SYNE1: variants seen among roughly 807,000 people sequenced by gnomAD.
SYNE1 encodes spectrin repeat containing nuclear envelope protein 1, also known as nesprin-1.
SYNE1 carries 616 observed loss-of-function variants against 1,111.0 expected under a neutral mutation model. The ratio of observed to expected loss-of-function variants is 0.55; its 90% CI spans 0.52 to 0.59. The LOEUF is 0.59. Among genes scored for constraint, SYNE1 ranks in the 20% least tolerant of loss-of-function variants. The pLI is 0.00. For missense variants in SYNE1, 10,006 were observed against 10,417.0 expected (o/e 0.96, Z 1.72); for synonymous variants, 3,855 against 3,825.8 (o/e 1.01, Z -0.28).
chr6:152,312,335 G>A (rs1364936632), intron 87 of SYNE1, among the ~76,000 whole-genome samples: 3 of 149,666 alleles, frequency 2.0e-5, no homozygotes, highest in South Asian at 2.1e-4. Flanking sequence ...TCAGCTTCCC[G>A]AGTAGCTGGG....
At position 152,244,461 on chromosome 6, in the gene SYNE1, A is replaced by T. The variant is rs187065521; in HGVS notation, c.19692+76T>A. 3.1e-6 allele frequency: 5 copies of T among 1,610,096 alleles called. No individual in the cohort carries two copies. The Admixed American group carries it at 8.3e-5, about 27-fold the overall frequency. On this transcript the variant is annotated intron_variant, in intron 106 of 145. Coordinates refer to ENST00000367255, the MANE Select transcript of SYNE1 (RefSeq NM_182961.4). ...CGTGAATTTTATAAAGAAAGCCAAGAAAAATAAAGTGATTTTTTCTAGACT... is the reference window on the plus strand; with the variant it reads ...CGTGAATTTTATAAAGAAAGCCAAGTAAAATAAAGTGATTTTTTCTAGACT...
At chr6:152,470,158 G>A (rs1014848016) in intron 16 of SYNE1, among the ~76,000 whole-genome samples, 4 of 152,144 alleles carry the variant, frequency 2.6e-5, no homozygotes, top group African/African-American at 9.7e-5. Context: ...TGATGAAGTA[G>A]GCAGGGAGTA....
chr6:152,236,229 T>C lies in SYNE1; in HGVS notation c.20274A>G (p.Ile6758Met). ...TTTCTAGATCTGAGCAGCTGATGGA[T>C]ATCAGAAGTCGTTTCCCATCATCTA... The part of the protein sequence containing the change: ...QVLDDGKRLL[I>M]SISCSDLESQ... Residue 6758 changes from isoleucine (I) to methionine (M), a missense_variant, in exon 110 of 146, where the codon ATA becomes ATG. This residue lies in a region of SYNE1 where 2,182 missense variants were observed against 2,287.8 expected (regional missense o/e 0.95). Coordinates refer to ENST00000367255, the MANE Select transcript of SYNE1 (RefSeq NM_182961.4). 1 of 1,614,166 alleles carries C rather than the reference T, an allele frequency of 6.2e-7. No individual in the cohort carries two copies. Among genetic ancestry groups the C allele is most frequent in the Non-Finnish European group, 8.5e-7 (1 of 1,180,004 alleles).
chr6:152,526,190 A>C lies in SYNE1; in HGVS notation c.130-15T>G. 6.2e-7 allele frequency: 1 copy of C among 1,611,062 alleles called. No homozygotes were observed. Among genetic ancestry groups the C allele is most frequent in the African/African-American group, 1.3e-5 (1 of 75,000 alleles). ...GGAGGTTTCCGCTGTAAAAGCAAAG[A>C]GGAATAAGTGCAGAAAATATCTCTT... is the stretch of plus-strand genomic sequence containing the variant. On this transcript the variant is annotated splice_polypyrimidine_tract_variant and intron_variant, in intron 4 of 145. Coordinates refer to ENST00000367255, the MANE Select transcript of SYNE1 (RefSeq NM_182961.4).
In SYNE1 at chr6:152,148,434, C is replaced by G; in HGVS notation, c.24643-56G>C. 1 of 1,529,544 alleles carries G rather than the reference C, an allele frequency of 6.5e-7. No individual in the cohort carries two copies. The highest frequency in any genetic ancestry group is 8.9e-7 in the Non-Finnish European group (1 of 1,117,848). The allele number at this position is 1,529,544 out of a possible 1,614,324, so 94.7% of individuals were successfully genotyped here. A position where few individuals can be genotyped will look rare whatever the true frequency, so the allele number is the denominator to read the frequency against. On this transcript the variant is annotated intron_variant, in intron 136 of 145. Coordinates refer to ENST00000367255, the MANE Select transcript of SYNE1 (RefSeq NM_182961.4). The surrounding 1 kb of genome is among the most constrained non-coding windows in gnomAD (Gnocchi z 4.1). The stretch of plus-strand genomic sequence containing the variant: ...TGTAGTGGTCAGACTAGCTTCTTAT[C>G]TGGGCCACCTGCCTACCATGTGGGG...
chr6:152,531,569 A>G (rs1369994418), intron 4 of SYNE1, among the ~76,000 whole-genome samples: 3 of 152,168 alleles, frequency 2.0e-5, no homozygotes, highest in Admixed American at 6.5e-5. Flanking sequence ...AGTGTTAAAT[A>G]TTTCCACATT....
rs1264177335 is a variant in SYNE1, at chr6:152,413,432, T to G, written c.6150A>C (p.Val2050=). Residue 2050 remains valine, a synonymous_variant, in exon 42 of 146, where the codon GTA becomes GTC. Coordinates refer to ENST00000367255, the MANE Select transcript of SYNE1 (RefSeq NM_182961.4). ...CCCTGTCAACTTCAGGTGCAAAAGC[T>G]ACATCTTTCTGGGCAATTTGCTTGG... ...DKAKQIAQKD[V]AFAPEVDREI... is the part of the protein sequence containing the mutation. 1.2e-6 allele frequency: 2 copies of G among 1,614,060 alleles called. No individual in the cohort carries two copies. The highest frequency in any genetic ancestry group is 3.3e-5 in the Admixed American group (2 of 60,002).
At chr6:152,187,916 G>A (rs1437092402) in intron 128 of SYNE1, among the ~76,000 whole-genome samples, 1 of 152,022 alleles carries the variant, frequency 6.6e-6, no homozygotes, top group African/African-American at 2.4e-5. Context: ...AGTAGAGACA[G>A]GGTTTCACCA....
Position 152,325,921 on chromosome 6 carries a change from G to A in SYNE1, c.15438+37C>T, listed in dbSNP as rs766099239. On this transcript the variant is annotated intron_variant, in intron 80 of 145. Coordinates refer to ENST00000367255, the MANE Select transcript of SYNE1 (RefSeq NM_182961.4). The stretch of plus-strand genomic sequence containing the variant: ...GTTGCAAAGACTCATTATAATTATA[G>A]AAAAAGGATTTTTTTTAAATGGCCC... 6 of 1,612,960 alleles carry A rather than the reference G, an allele frequency of 3.7e-6. No individual in the cohort carries two copies. In the South Asian group the frequency reaches 6.6e-5, roughly 18 times the overall value.
intron 91 of SYNE1, among the ~76,000 whole-genome samples, chr6:152,306,487 AAAATAAATAAATAAAT>A (rs56931883): frequency 0.028 from 4,060 of 142,540 alleles, 100 homozygotes; most frequent in African/African-American, 0.062. Context: ...CTCCATCTAA[AAAATAAATAAATAAAT>A]AAATAAATAA....
intron 11 of SYNE1, among the ~76,000 whole-genome samples, chr6:152,493,603 C>T (rs2098983520): frequency 6.6e-6 from 1 of 152,090 alleles, no homozygotes; most frequent in Non-Finnish European, 1.5e-5. Flanking sequence ...TACAGATCTT[C>T]CCAACAGGAC....
At chr6:152,335,487 AAT>A (rs2096364818) in intron 76 of SYNE1, 1 of 152,142 alleles carries the variant, frequency 6.6e-6, no homozygotes, top group Admixed American at 6.5e-5. Context: ...ATGGTTCACA[AAT>A]TTTTTTAAAA....
intron 3 of SYNE1, among the ~76,000 whole-genome samples, chr6:152,600,915 C>T (rs917566946): frequency 2.6e-5 from 4 of 152,174 alleles, no homozygotes; most frequent in Non-Finnish European, 5.9e-5. Flanking sequence ...TAGTAAAGAA[C>T]TAAATGTCCA....
intron 3 of SYNE1, among the ~76,000 whole-genome samples, chr6:152,548,515 C>A (rs111705890): frequency 1.2e-4 from 19 of 152,260 alleles, no homozygotes; most frequent in African/African-American, 3.4e-4. Context: ...AAGTGGGGAG[C>A]AGGTAACTTC....
At chr6:152,339,145 A>G in intron 75 of SYNE1, 96 bp downstream of exon 75, 1 of 1,524,802 alleles carries the variant, frequency 6.6e-7, no homozygotes, top group Non-Finnish European at 9.0e-7. Context: ...CAGCAAGAAC[A>G]AGCCAAGAGC....
chr6:152,455,641 G>T, intron 23 of SYNE1, 51 bp from the exon 24 acceptor site: 1 of 1,608,260 alleles, frequency 6.2e-7, no homozygotes, highest in African/African-American at 1.3e-5. Flanking sequence ...ATTACTGAAA[G>T]GATCATTTTG....
chr6:152,592,158 C>A (rs1325246755), intron 3 of SYNE1, among the ~76,000 whole-genome samples: 1 of 152,020 alleles, frequency 6.6e-6, no homozygotes, highest in Admixed American at 6.6e-5. Flanking sequence ...ACCCAGAAAT[C>A]TTATTACTGG....
Position 152,352,070 on chromosome 6 carries a change from T to C in SYNE1, c.11537A>G (p.Lys3846Arg), listed in dbSNP as rs1190791214. ...AGCTTTTTTCTCATATAATTCCATT[T>C]TGGGTTCTTCAGGAACATGTAGAAT... ...QEILHVPEEP[K>R]MELYEKKAQL... The change falls in exon 70 of 146, where the codon AAA becomes AGA. Residue 3846 changes from lysine (K) to arginine (R), a missense_variant. Around this residue, in one of 7 missense-constraint regions of SYNE1, gnomAD observed 4,955 missense variants for 5,017.2 expected, o/e 0.99. Coordinates refer to ENST00000367255, the MANE Select transcript of SYNE1 (RefSeq NM_182961.4). 1 of 1,614,226 alleles carries C rather than the reference T, an allele frequency of 6.2e-7. No individual in the cohort carries two copies. Among genetic ancestry groups the C allele is most frequent in the South Asian group, 1.1e-5 (1 of 91,086 alleles).
intron 121 of SYNE1, among the ~76,000 whole-genome samples, chr6:152,217,743 A>G (rs2079085437): frequency 6.6e-6 from 1 of 152,046 alleles, no homozygotes; most frequent in Admixed American, 6.6e-5. Flanking sequence ...AGCCGTGGAA[A>G]GGAGGAGTGA....
Sources: gnomAD v4.1 joint callset for allele counts (sites outside exome capture counted in the v4.1 genomes callset) on GRCh38, gnomAD v4.1.1 for gene constraint, gnomAD v4.1.1 regional missense constraint, Gnocchi (gnomAD v3.1) non-coding constraint, MANE v1.5 for transcripts, NCBI Gene and HGNC (gene_info 2026-07-23, HGNC 2026-07-21) for gene names.